The following OLFM1 variants were observed in gnomAD, a reference collection of about 807,000 sequenced individuals.
OLFM1 encodes olfactomedin 1, also known as noelin.
A neutral mutation model predicts 49.7 loss-of-function variants in OLFM1; 9 were observed. The ratio of observed to expected loss-of-function variants is 0.18; its 90% CI spans 0.11 to 0.32. The LOEUF (loss-of-function observed/expected upper bound fraction) is 0.32. Ranked by LOEUF, OLFM1 falls within the 10% of genes least tolerant of loss-of-function variation. The pLI, the probability that OLFM1 is intolerant of heterozygous loss-of-function variation, is 1.00. For missense variants in OLFM1, 369 were observed against 661.8 expected, an observed-to-expected ratio of 0.56 and a Z score of 4.85; for synonymous variants, 240 against 271.8, an observed-to-expected ratio of 0.88 and a Z score of 1.15.
At chr9:135,109,776 G>T (rs1830997174) in intron 5 of OLFM1, among the ~76,000 whole-genome samples, 1 of 152,138 alleles carries the variant, frequency 6.6e-6, no homozygotes, top group Non-Finnish European at 1.5e-5. Context: ...GGAGGGCATT[G>T]TAAGGCAGGT....
In OLFM1 at chr9:135,098,810, G is replaced by C. The variant is rs1830833469; in HGVS notation, c.676+305G>C. 6.6e-6 allele frequency among the ~76,000 whole-genome samples: 1 copy of C among 152,252 alleles called. No homozygotes were observed. The highest frequency in any genetic ancestry group is 1.5e-5 in the Non-Finnish European group (1 of 68,038). ...GTGTGTGTGTGAATCGTATGTGTGT[G>C]TGCATTGAAGACACCAGTTTAATAG... On this transcript the variant is annotated intron_variant, in intron 4 of 5. Transcript: ENST00000371793. The surrounding 1 kb of genome is among the most constrained non-coding windows in gnomAD (Gnocchi z 5.6).
intron 5 of OLFM1, among the ~76,000 whole-genome samples, chr9:135,109,730 A>G (rs760620793): frequency 8.5e-5 from 13 of 152,144 alleles, no homozygotes; most frequent in Non-Finnish European, 1.6e-4. Context: ...AAAAAAAGAA[A>G]AAGAAATCAA....
At chr9:135,114,266 AC>A (rs1831065531) in intron 5 of OLFM1, among the ~76,000 whole-genome samples, 1 of 149,990 alleles carries the variant, frequency 6.7e-6, no homozygotes, top group African/African-American at 2.5e-5. Flanking sequence ...GATTACAGGC[AC>A]GTGCCACCAT....
At chr9:135,077,326 C>A in intron 1 of OLFM1, 2 of 1,367,296 alleles carry the variant, frequency 1.5e-6, no homozygotes, top group Non-Finnish European at 9.5e-7. Context: ...CACCCAAGGG[C>A]CCTCCAAGCC....
intron 4 of OLFM1, among the ~76,000 whole-genome samples, chr9:135,099,946 A>G (rs1437112379): frequency 6.6e-6 from 1 of 152,166 alleles, no homozygotes; most frequent in African/African-American, 2.4e-5. Context: ...TCATGGGGCT[A>G]TATAACTATT....
rs766756086 is a variant in OLFM1, at chr9:135,120,170, G to A, written c.1450G>A (p.Glu484Lys). The A allele has an allele frequency of 1.7e-5, 28 of 1,607,908 alleles. No homozygotes were observed. Among genetic ancestry groups the A allele is most frequent in the Admixed American group, 3.3e-5 (2 of 59,714 alleles). Residue 484 changes from glutamate to lysine, a missense_variant, in exon 6 of 6, where the codon GAG becomes AAG. Transcript: ENST00000371793. The stretch of plus-strand genomic sequence containing the variant: ...CCTCTTCCACGTCATCCGCTCCGAC[G>A]AGTTGTAGCTCCCTCCTCCTGGAAG... ...VTLFHVIRSD[E>K]L
chr9:135,120,225 A>T lies in OLFM1; in HGVS notation c.*47A>T. ...GGGCCCACGTCCTCACCACAAAGGG[A>T]CTCCTGTGAAACTGCTGCCAAAAAG... On this transcript the variant is annotated 3_prime_UTR_variant, in exon 6 of 6. Coordinates refer to ENST00000371793, the MANE Select transcript of OLFM1 (RefSeq NM_001282611.2). 6.7e-7 allele frequency: 1 copy of T among 1,499,214 alleles called. No individual in the cohort carries two copies. Among genetic ancestry groups the T allele is most frequent in the Non-Finnish European group, 9.0e-7 (1 of 1,108,970 alleles). The allele number at this position is 1,499,214 out of a possible 1,614,324, so 92.9% of individuals were successfully genotyped here.
intron 5 of OLFM1, among the ~76,000 whole-genome samples, chr9:135,116,106 G>A (rs1564281272): frequency 2.6e-5 from 4 of 152,206 alleles, no homozygotes. Context: ...CTGAGCCTTG[G>A]GACTTGGAGA....
At chr9:135,076,300 A>G (rs1830465472) in intron 1 of OLFM1, 1 of 1,550,192 alleles carries the variant, frequency 6.5e-7, no homozygotes, top group Admixed American at 2.0e-5. Flanking sequence ...TGCCGCTGAG[A>G]CCTGGAAGGG....
chr9:135,084,730 C>T (rs183775028), upstream of OLFM1, among the ~76,000 whole-genome samples: 1 of 152,234 alleles, frequency 6.6e-6, no homozygotes, highest in East Asian at 1.9e-4. The surrounding 1 kb of genome is among the most constrained non-coding windows in gnomAD (Gnocchi z 4.6). Flanking sequence ...AACTTTGTCC[C>T]TTGAGGGCAT....
chr9:135,097,972 T>C, intron 3 of OLFM1: 1 of 1,431,636 alleles, frequency 7.0e-7, no homozygotes. Context: ...TGTAGCTGCA[T>C]TTCATGAATA....
Position 135,098,299 on chromosome 9 carries a change from A to G in OLFM1, c.470A>G (p.Lys157Arg). The G allele has an allele frequency of 6.2e-7, 1 of 1,613,704 alleles. No homozygotes were observed. Among genetic ancestry groups the G allele is most frequent in the Non-Finnish European group, 8.5e-7 (1 of 1,179,924 alleles). The part of the protein sequence containing the change: ...LARQFKAIKA[K>R]MDELRPLIPV... ...TTAACCTTGCAGGCGATAAAAGCGA[A>G]AATGGATGAACTTAGGCCTTTGATA... The change falls in exon 4 of 6, where the codon AAA (lysine) becomes AGA (arginine). Residue 157 changes from lysine (K) to arginine (R), a missense_variant. By Grantham distance (26) the Lys-to-Arg change is conservative (BLOSUM62 2). Coordinates refer to ENST00000371793, the MANE Select transcript of OLFM1 (RefSeq NM_001282611.2). The surrounding 1 kb of genome is among the most constrained non-coding windows in gnomAD (Gnocchi z 5.6).
At position 135,093,209 on chromosome 9, in the gene OLFM1, C is replaced by T. The variant is rs749051638; in HGVS notation, c.301-2655C>T. On this transcript the variant is annotated intron_variant, in intron 2 of 5. Coordinates refer to ENST00000371793, the MANE Select transcript of OLFM1 (RefSeq NM_001282611.2). ...CCCAGGTATGTACAGCCCTGGAAGCCTCACCAGGTAGTTCCATGCAGCTAG... is the reference window on the plus strand; with the variant it reads ...CCCAGGTATGTACAGCCCTGGAAGCTTCACCAGGTAGTTCCATGCAGCTAG... 7.9e-5 allele frequency among the ~76,000 whole-genome samples: 12 copies of T among 152,206 alleles called. 1 individual carries two copies. The highest frequency in any genetic ancestry group is 6.5e-5 in the Admixed American group (1 of 15,286).
chr9:135,097,195 C>T (rs1830811261), intron 3 of OLFM1, among the ~76,000 whole-genome samples: 1 of 152,096 alleles, frequency 6.6e-6, no homozygotes, highest in African/African-American at 2.4e-5. Context: ...AAAAATGATA[C>T]ATTAAATAGA....
chr9:135,090,364 G>C lies in OLFM1; in HGVS notation c.300+20G>C. 6.3e-7 allele frequency: 1 copy of C among 1,583,680 alleles called. No individual in the cohort carries two copies. The highest frequency in any genetic ancestry group is 8.6e-7 in the Non-Finnish European group (1 of 1,169,152). On this transcript the variant is annotated intron_variant, in intron 2 of 5. Transcript: ENST00000371793. The stretch of plus-strand genomic sequence containing the variant: ...GAGAAGGTGAGTCTGCGCAGAGTGT[G>C]TGAGTTTGTATGTGTGTGTGTTTGT...
chr9:135,077,154 A>G (rs1268417952), intron 1 of OLFM1: 1 of 1,519,916 alleles, frequency 6.6e-7, no homozygotes, highest in African/African-American at 1.4e-5. Flanking sequence ...TCATGTGCAC[A>G]CACACACACA....
intron 3 of OLFM1, among the ~76,000 whole-genome samples, chr9:135,096,755 G>T (rs1830804214): frequency 6.6e-6 from 1 of 152,206 alleles, no homozygotes; most frequent in Admixed American, 6.5e-5. Flanking sequence ...GAATCTCTCA[G>T]GGCAGTTTTC....
upstream of OLFM1, among the ~76,000 whole-genome samples, chr9:135,084,306 T>C (rs35323587): frequency 0.21 from 31,777 of 149,698 alleles, 4,180 homozygotes; most frequent in African/African-American, 0.39. This position sits in a 1 kb window ranked among gnomAD's most constrained non-coding sequence, Gnocchi z 4.6. Flanking sequence ...CACTCTATCT[T>C]TCTTCTCTCT....
At chr9:135,093,238 C>T (rs1830739709) in intron 2 of OLFM1, among the ~76,000 whole-genome samples, 1 of 152,184 alleles carries the variant, frequency 6.6e-6, no homozygotes, top group South Asian at 2.1e-4. Context: ...CAGCTAGGGT[C>T]GAGCACTGTA....
Sources: gnomAD v4.1 joint callset for allele counts (sites outside exome capture counted in the v4.1 genomes callset) on GRCh38, gnomAD v4.1.1 for gene constraint, Gnocchi (gnomAD v3.1) non-coding constraint, MANE v1.5 for transcripts, NCBI Gene and HGNC (gene_info 2026-07-23, HGNC 2026-07-21) for gene names.